Variants in PCED1B observed in about 807,000 individuals in gnomAD.
PCED1B encodes the protein PC-esterase domain-containing protein 1B.
For missense variants in PCED1B, 573 were observed against 573.9 expected (o/e 1.00, Z 0.02); for synonymous variants, 251 against 246.1 (o/e 1.02, Z -0.19).
At chr12:47,211,932 G>C (rs991053290) in intron 2 of PCED1B, among the ~76,000 whole-genome samples, 2 of 151,500 alleles carry the variant, frequency 1.3e-5, no homozygotes, top group African/African-American at 4.8e-5. Flanking sequence ...AAAATTAGCC[G>C]GGCGTAGTGG....
intron 1 of PCED1B, among the ~76,000 whole-genome samples, chr12:47,089,483 TATATATATATGTATATACC>T (rs1375238402): frequency 2.1e-5 from 2 of 93,482 alleles, no homozygotes; most frequent in Admixed American, 2.2e-4. Flanking sequence ...TATATATATA[TATATATATATGTATATACC>T]AAAAAACATA....
intron 2 of PCED1B, among the ~76,000 whole-genome samples, chr12:47,184,615 T>C (rs894031469): frequency 2.0e-5 from 3 of 151,832 alleles, no homozygotes; most frequent in Admixed American, 6.6e-5. Context: ...CTTCCCTTCC[T>C]TCCTTCCTTT....
chr12:47,120,054 A>G (rs1223542482), intron 2 of PCED1B, among the ~76,000 whole-genome samples: 1 of 152,162 alleles, frequency 6.6e-6, no homozygotes, highest in Non-Finnish European at 1.5e-5. Context: ...TCCAAGGAAG[A>G]TACACAAATG....
chr12:47,235,168 T>C lies in PCED1B; in HGVS notation c.105T>C (p.Leu35=). 6.3e-7 allele frequency: 1 copy of C among 1,586,386 alleles called. No homozygotes were observed. The highest frequency in any genetic ancestry group is 8.6e-7 in the Non-Finnish European group (1 of 1,165,622). ...GGGCAGTATACAAGGACCTGGTGCT[T>C]CTGCTGCAGAAGGACCGCCTGCTCA... is the stretch of plus-strand genomic sequence containing the variant. The part of the protein sequence containing the change: ...VHRAVYKDLV[L]LLQKDRLLTP... The change falls in exon 4 of 4, where the codon CTT becomes CTC. Residue 35 remains leucine (L), a synonymous_variant. Transcript: ENST00000546455.
intron 2 of PCED1B, among the ~76,000 whole-genome samples, chr12:47,136,136 A>G (rs1345101582): frequency 3.0e-5 from 3 of 99,864 alleles, no homozygotes; most frequent in Non-Finnish European, 6.1e-5. Flanking sequence ...TTTGGTATTC[A>G]TTTCCTTTAT....
chr12:47,114,900 G>A (rs992500105), intron 2 of PCED1B, among the ~76,000 whole-genome samples: 3 of 152,122 alleles, frequency 2.0e-5, no homozygotes, highest in African/African-American at 7.2e-5. Flanking sequence ...ACATAGTCTG[G>A]AAATACAGGT....
chr12:47,217,508 GA>G (rs1210229177), intron 3 of PCED1B, among the ~76,000 whole-genome samples: 3 of 136,362 alleles, frequency 2.2e-5, no homozygotes, highest in African/African-American at 6.3e-5. Context: ...AAGAAAGAAA[GA>G]AAGAAAGAAG....
At chr12:47,208,338 T>G (rs945785318) in intron 2 of PCED1B, 3 of 152,398 alleles carry the variant, frequency 2.0e-5, no homozygotes, top group African/African-American at 7.2e-5. Context: ...TGGGCTCAGG[T>G]GATCCTCCCA....
At chr12:47,220,754 C>T (rs903813622) in intron 3 of PCED1B, among the ~76,000 whole-genome samples, 21 of 152,328 alleles carry the variant, frequency 1.4e-4, no homozygotes, top group Admixed American at 1.2e-3. Context: ...TAAGTAGAGG[C>T]ATCCCTCAGA....
At chr12:47,205,226 C>T (rs1942877273) in intron 2 of PCED1B, among the ~76,000 whole-genome samples, 1 of 152,060 alleles carries the variant, frequency 6.6e-6, no homozygotes. Context: ...GAATCAATTC[C>T]TGGATGGAGG....
rs1035565661 is a variant in PCED1B, at chr12:47,165,608, A to G, written c.-525-50614A>G. On this transcript the variant is annotated intron_variant, in intron 2 of 3. Transcript: ENST00000546455. ...ATTTAATTTACTTGTTCAAATGTCTATATAGGCTTTTATTACTAACTCCAT... is the reference window on the plus strand; with the variant it reads ...ATTTAATTTACTTGTTCAAATGTCTGTATAGGCTTTTATTACTAACTCCAT... Among the ~76,000 whole-genome samples, 4 of 152,226 alleles carry G rather than the reference A, an allele frequency of 2.6e-5. No individual in the cohort carries two copies. In the East Asian group the frequency reaches 7.7e-4, roughly 29 times the overall value.
intron 2 of PCED1B, among the ~76,000 whole-genome samples, chr12:47,192,032 C>T (rs759995196): frequency 4.6e-5 from 7 of 151,364 alleles, no homozygotes; most frequent in Non-Finnish European, 7.4e-5. Context: ...TTTAATTTGC[C>T]TCCTTTGTAT....
chr12:47,108,451 C>A (rs1344790210), intron 2 of PCED1B, among the ~76,000 whole-genome samples: 1 of 152,218 alleles, frequency 6.6e-6, no homozygotes, highest in East Asian at 1.9e-4. Context: ...TGTCTGGAAG[C>A]AAAACAGTTC....
At chr12:47,153,662 T>G (rs1941086664) in intron 2 of PCED1B, among the ~76,000 whole-genome samples, 1 of 152,220 alleles carries the variant, frequency 6.6e-6, no homozygotes, top group African/African-American at 2.4e-5. Flanking sequence ...AGCTAAACTT[T>G]GAACCTTTGC....
At chr12:47,101,076 GA>G (rs68188164) in intron 1 of PCED1B, among the ~76,000 whole-genome samples, 62,914 of 149,762 alleles carry the variant, frequency 0.42, 13,446 homozygotes, top group East Asian at 0.64. Flanking sequence ...CTCAAAAAAA[GA>G]AAAAAAAAAG....
At chr12:47,141,277 G>A (rs1940581881) in intron 2 of PCED1B, among the ~76,000 whole-genome samples, 1 of 152,122 alleles carries the variant, frequency 6.6e-6, no homozygotes, top group Non-Finnish European at 1.5e-5. Context: ...GTGCCTTTGT[G>A]GGAGCTGTGG....
intron 1 of PCED1B, among the ~76,000 whole-genome samples, chr12:47,095,071 ATTT>A (rs34778482): frequency 8.8e-6 from 1 of 113,792 alleles, no homozygotes; most frequent in Non-Finnish European, 1.8e-5. Flanking sequence ...TGTGCCCACA[ATTT>A]TTTTTTTTTT....
intron 2 of PCED1B, among the ~76,000 whole-genome samples, chr12:47,153,355 C>CAAAAAAAAAA (rs11299918): frequency 1.0e-5 from 1 of 95,270 alleles, no homozygotes; most frequent in African/African-American, 4.1e-5. Context: ...GACTCCTTCT[C>CAAAAAAAAAA]AAAAAAAAAA....
In PCED1B at chr12:47,236,064, C is replaced by T; in HGVS notation, c.1001C>T (p.Pro334Leu). ...CATCACCAGGGAATGCCCCGGTTCC[C>T]ACAGGGTCCCCCAGATGCCTGTTTT... ...ILHHQGMPRF[P>L]QGPPDACFSS... The change falls in exon 4 of 4, where the codon CCA becomes CTA. Residue 334 changes from proline to leucine, a missense_variant. Physicochemically the swap from Pro to Leu is moderately conservative, Grantham distance 98 (BLOSUM62 -3). Coordinates refer to ENST00000546455, the MANE Select transcript of PCED1B (RefSeq NM_138371.3). The T allele has an allele frequency of 6.2e-7, 1 of 1,614,104 alleles. No homozygotes were observed. Among genetic ancestry groups the T allele is most frequent in the Non-Finnish European group, 8.5e-7 (1 of 1,180,008 alleles).
Sources: allele counts gnomAD v4.1 joint callset (sites outside exome capture counted in the v4.1 genomes callset), GRCh38; gene constraint gnomAD v4.1.1; transcripts MANE v1.5; gene names NCBI Gene and HGNC (gene_info 2026-07-23, HGNC 2026-07-21).